Variants in ZNF827 observed in about 807,000 individuals in gnomAD.
ZNF827 encodes the protein zinc finger protein 827.
A neutral mutation model predicts 102.4 loss-of-function variants in ZNF827; 13 were observed. The observed-to-expected ratio is 0.13, with a 90% CI of 0.08 to 0.20. ZNF827 has a LOEUF of 0.20. Among genes scored for constraint, ZNF827 ranks in the 10% least tolerant of loss-of-function variants. The probability of loss-of-function intolerance (pLI) is 1.00; values close to 1 mark genes in which losing one functional copy is unlikely to be tolerated. For synonymous variants in ZNF827, 523 were observed against 536.2 expected, an observed-to-expected ratio of 0.98 and a Z score of 0.34; for missense variants, 1,103 against 1,344.4, an observed-to-expected ratio of 0.82 and a Z score of 2.81.
At chr4:145,862,426 G>A (rs150703084) in intron 5 of ZNF827, among the ~76,000 whole-genome samples, 25 of 152,280 alleles carry the variant, frequency 1.6e-4, no homozygotes, top group African/African-American at 5.8e-4. Context: ...GTAACATATA[G>A]ATTTGGTACT....
chr4:145,845,938 C>G lies in ZNF827; in HGVS notation c.2279+18G>C. The G allele has an allele frequency of 6.2e-7, 1 of 1,614,056 alleles. No individual in the cohort carries two copies. Among genetic ancestry groups the G allele is most frequent in the Non-Finnish European group, 8.5e-7 (1 of 1,179,972 alleles). Reference sequence around the variant, plus strand: ...CCCACACGGGGTGTTCTGGAGGAACCCACACAAAGTCGCCTACCTGGTCGT... The same window carrying G: ...CCCACACGGGGTGTTCTGGAGGAACGCACACAAAGTCGCCTACCTGGTCGT... On this transcript the variant is annotated intron_variant, in intron 7 of 14. Coordinates refer to ENST00000508784, the MANE Select transcript of ZNF827 (RefSeq NM_001306215.2).
rs150763528 is a variant in ZNF827 at position 145,772,600 on chromosome 4, C to T, written c.2860+1906G>A. Among the ~76,000 whole-genome samples, 57 of 152,242 alleles carry T rather than the reference C, an allele frequency of 3.7e-4. No homozygotes were observed. The East Asian group carries it at 9.3e-3, about 25-fold the overall frequency. On this transcript the variant is annotated intron_variant, in intron 11 of 14. Transcript: ENST00000508784. ...ACGACTACTTTCAAGTTTCAACAGC[C>T]GAGTTGAGTAGTAGTGACAGAAACT...
chr4:145,824,258 T>C (rs796419704), intron 7 of ZNF827, among the ~76,000 whole-genome samples: 6 of 152,330 alleles, frequency 3.9e-5, no homozygotes, highest in African/African-American at 1.4e-4. Flanking sequence ...AAGGATTGAA[T>C]GTTTTTAATT....
intron 8 of ZNF827, among the ~76,000 whole-genome samples, chr4:145,821,709 A>G (rs1394404920): frequency 6.6e-6 from 1 of 152,196 alleles, no homozygotes; most frequent in African/African-American, 2.4e-5. Flanking sequence ...AATCTCAGTT[A>G]TGCTGACCTT....
At chr4:145,926,512 G>A (rs1352080176) in intron 1 of ZNF827, among the ~76,000 whole-genome samples, 1 of 152,114 alleles carries the variant, frequency 6.6e-6, no homozygotes, top group African/African-American at 2.4e-5. Context: ...CCCTTGTTCT[G>A]AATTCCATAC....
intron 1 of ZNF827, among the ~76,000 whole-genome samples, chr4:145,936,160 T>G (rs1274276177): frequency 6.6e-6 from 1 of 151,830 alleles, no homozygotes; most frequent in South Asian, 2.1e-4. Context: ...TCAGGATTCC[T>G]GCCTCCTCTC....
chr4:145,814,187 T>TA (rs1254454525), intron 8 of ZNF827, among the ~76,000 whole-genome samples: 3 of 152,274 alleles, frequency 2.0e-5, no homozygotes, highest in South Asian at 2.1e-4. Context: ...TATCTAGATA[T>TA]AAAAAAATCT....
intron 8 of ZNF827, among the ~76,000 whole-genome samples, chr4:145,809,006 G>A (rs1031361813): frequency 4.6e-5 from 7 of 152,096 alleles, no homozygotes; most frequent in African/African-American, 1.7e-4. Flanking sequence ...TTGCTACATT[G>A]CCCAGGCTGG....
intron 5 of ZNF827, among the ~76,000 whole-genome samples, chr4:145,864,721 C>A (rs1235420127): frequency 6.6e-6 from 1 of 152,142 alleles, no homozygotes; most frequent in African/African-American, 2.4e-5. Flanking sequence ...ACTTACTAGA[C>A]TGATTAGATC....
intron 11 of ZNF827, among the ~76,000 whole-genome samples, chr4:145,771,961 A>G (rs1192403565): frequency 6.6e-6 from 1 of 152,242 alleles, no homozygotes; most frequent in Non-Finnish European, 1.5e-5. Flanking sequence ...TATAGGGAAC[A>G]GATGGAGGTC....
intron 8 of ZNF827, among the ~76,000 whole-genome samples, chr4:145,808,342 A>G (rs887505774): frequency 1.3e-5 from 2 of 151,930 alleles, no homozygotes; most frequent in Non-Finnish European, 2.9e-5. Context: ...CCTCTTTCCC[A>G]TTCCTATAAT....
Position 145,763,317 on chromosome 4 carries a change from C to G in ZNF827, c.3231-195G>C, listed in dbSNP as rs770599323. Among the ~76,000 whole-genome samples, 1 of 152,168 alleles carries G rather than the reference C, an allele frequency of 6.6e-6. No homozygotes were observed. The highest frequency in any genetic ancestry group is 1.5e-5 in the Non-Finnish European group (1 of 68,032). ...AAGTGCTAAGGGTTTTCCGTGCTCC[C>G]GTTATTTTCTTAAAGACACTCTCTC... On this transcript the variant is annotated intron_variant, in intron 13 of 14. Transcript: ENST00000508784. The surrounding 1 kb of genome is among the most constrained non-coding windows in gnomAD (Gnocchi z 4.6).
At chr4:145,834,428 G>A (rs993381305) in intron 7 of ZNF827, among the ~76,000 whole-genome samples, 4 of 151,842 alleles carry the variant, frequency 2.6e-5, no homozygotes, top group East Asian at 3.9e-4. Context: ...GCTGCTCTTC[G>A]CCAGGCCGAG....
chr4:145,859,858 G>A (rs7656826), intron 5 of ZNF827, among the ~76,000 whole-genome samples: 5 of 152,100 alleles, frequency 3.3e-5, no homozygotes, highest in African/African-American at 4.8e-5. Context: ...AGAGCTGAAC[G>A]TCAGGCAGGA....
At chr4:145,936,926 A>G (rs1469532645) in intron 1 of ZNF827, among the ~76,000 whole-genome samples, 1 of 150,746 alleles carries the variant, frequency 6.6e-6, no homozygotes, top group African/African-American at 2.4e-5. Flanking sequence ...GGGGGGAGAG[A>G]AGAGAAATTG....
At chr4:145,890,675 C>A (rs892638326) in intron 3 of ZNF827, among the ~76,000 whole-genome samples, 1 of 152,128 alleles carries the variant, frequency 6.6e-6, no homozygotes, top group African/African-American at 2.4e-5. Flanking sequence ...ATTTTAAAGG[C>A]ATTTCTTTTG....
chr4:145,929,435 T>C (rs534582268), intron 1 of ZNF827, among the ~76,000 whole-genome samples: 5 of 152,336 alleles, frequency 3.3e-5, no homozygotes, highest in South Asian at 4.1e-4. Flanking sequence ...CCTCACTTTA[T>C]AGTAAAATCT....
chr4:145,850,406 T>G (rs755508298), intron 5 of ZNF827, among the ~76,000 whole-genome samples: 1 of 152,276 alleles, frequency 6.6e-6, no homozygotes, highest in South Asian at 2.1e-4. Context: ...ACGGAGACAT[T>G]TGCACCTTGC....
intron 1 of ZNF827, chr4:145,907,114 G>A (rs1163914972): frequency 2.2e-6 from 1 of 456,592 alleles, no homozygotes; most frequent in Non-Finnish European, 4.4e-6. Context: ...GCAAGAAAAT[G>A]AGGATGTGCA....
Sources: allele counts gnomAD v4.1 joint callset (sites outside exome capture counted in the v4.1 genomes callset), GRCh38; gene constraint gnomAD v4.1.1; non-coding constraint Gnocchi (gnomAD v3.1); transcripts MANE v1.5; gene names NCBI Gene and HGNC (gene_info 2026-07-23, HGNC 2026-07-21).